Variants in OIP5 observed in about 807,000 individuals in gnomAD.
OIP5 encodes Opa interacting protein 5, also known as protein Mis18-beta.
A neutral mutation model predicts 20.3 loss-of-function variants in OIP5; 24 were observed. That is an observed-to-expected ratio of 1.18 (90% CI 0.86 to 1.66). OIP5 has a LOEUF of 1.66. Ranked by LOEUF, OIP5 falls within the 40% of genes most tolerant of loss-of-function variation. The pLI is 0.00. For synonymous variants in OIP5, 143 were observed against 121.3 expected, an observed-to-expected ratio of 1.18 and a Z score of -1.17; for missense variants, 339 against 289.5, an observed-to-expected ratio of 1.17 and a Z score of -1.24.
chr15:41,320,746 C>T (rs945403793), intron 2 of OIP5, among the ~76,000 whole-genome samples: 24 of 151,578 alleles, frequency 1.6e-4, no homozygotes, highest in African/African-American at 3.4e-4. Flanking sequence ...GGCCACCCAT[C>T]GTCTGGGATG....
chr15:41,327,434 C>T (rs895171616), intron 2 of OIP5, among the ~76,000 whole-genome samples: 1 of 151,934 alleles, frequency 6.6e-6, no homozygotes, highest in Non-Finnish European at 1.5e-5. Context: ...GCCTCGGCCT[C>T]CCAAAGTGCT....
rs1054689163 is a variant in OIP5 at position 41,320,415 on chromosome 15, T to C, written c.390-635A>G. 1.4e-3 allele frequency among the ~76,000 whole-genome samples: 206 copies of C among 150,900 alleles called. 2 individuals are homozygous for C. Among genetic ancestry groups the C allele is most frequent in the African/African-American group, 4.6e-3 (190 of 41,372 alleles). ...GCCTCAGCCTGCCGAGTGCCTGCGA[T>C]TGCAGGCACGCGCCGCCACACTTGA... On this transcript the variant is annotated intron_variant, in intron 2 of 4. Coordinates refer to ENST00000220514, the MANE Select transcript of OIP5 (RefSeq NM_007280.2).
intron 3 of OIP5, among the ~76,000 whole-genome samples, chr15:41,319,239 C>CT (rs567039095): frequency 0.013 from 1,882 of 141,912 alleles, 41 homozygotes; most frequent in African/African-American, 0.041. Flanking sequence ...TGCCCAGCTA[C>CT]TTTTTTTTTT....
At chr15:41,309,973 C>G in intron 4 of OIP5, 124 bp from the exon 5 acceptor site, 1 of 591,266 alleles carries the variant, frequency 1.7e-6, no homozygotes, top group South Asian at 2.1e-5. Context: ...ACTGCAGCCT[C>G]AAGCTCCTGC....
intron 2 of OIP5, among the ~76,000 whole-genome samples, chr15:41,322,407 G>T (rs991459856): frequency 6.6e-5 from 10 of 151,152 alleles, no homozygotes; most frequent in Non-Finnish European, 1.3e-4. Context: ...GTTTTTTTTG[G>T]TTTTTTTTTG....
At chr15:41,325,600 C>T (rs1462627404) in intron 2 of OIP5, among the ~76,000 whole-genome samples, 1 of 151,584 alleles carries the variant, frequency 6.6e-6, no homozygotes, top group Non-Finnish European at 1.5e-5. Context: ...CCCGTAATCC[C>T]AGCACTATGG....
In OIP5 at chr15:41,331,929, A is replaced by C. The variant is rs2047922681; in HGVS notation, c.375T>G (p.Gly125=). 1.2e-6 allele frequency: 2 copies of C among 1,613,828 alleles called. No homozygotes were observed. The highest frequency in any genetic ancestry group is 2.7e-5 in the African/African-American group (2 of 74,908). ...TCAATACGTACCTGCCTTTGAGTGA[A>C]CCTTCAATGCCAACTAGGAAGGGCG... The part of the protein sequence containing the change: ...LEAPFLVGIE[G]SLKGSTYNLL... Residue 125 remains glycine (G), a synonymous_variant, in exon 2 of 5, where the codon GGT becomes GGG. Coordinates refer to ENST00000220514, the MANE Select transcript of OIP5 (RefSeq NM_007280.2).
chr15:41,324,530 C>T (rs953015990), intron 2 of OIP5, among the ~76,000 whole-genome samples: 8 of 152,092 alleles, frequency 5.3e-5, no homozygotes, highest in African/African-American at 1.9e-4. Context: ...GCTCTTGTTG[C>T]CCAAGGTGGA....
rs771728947 is a variant in OIP5 at position 41,332,536 on chromosome 15, C to G, written c.26G>C (p.Arg9Pro). The G allele has an allele frequency of 1.2e-6, 2 of 1,610,278 alleles. No homozygotes were observed. The highest frequency in any genetic ancestry group is 1.7e-6 in the Non-Finnish European group (2 of 1,178,298). ...CCGGGGCGGCGTTGCACAACGTGAG[C>G]GATGCCGCAGCGGCTGAGCCGCCAT... The part of the protein sequence containing the change: MAAQPLRH[R>P]SRCATPPRGD... The change falls in exon 1 of 5, where the codon CGC (arginine) becomes CCC (proline). Residue 9 changes from arginine to proline, a missense_variant. By Grantham distance (103) the Arg-to-Pro change is moderately radical. Transcript: ENST00000220514.
intron 2 of OIP5, among the ~76,000 whole-genome samples, chr15:41,320,412 C>T (rs1401662706): frequency 2.7e-5 from 4 of 150,066 alleles, no homozygotes; most frequent in South Asian, 2.2e-4. Context: ...CGAGTGCCTG[C>T]GATTGCAGGC....
rs1454299981 is a variant in OIP5 at position 41,321,152 on chromosome 15, T to TG, written c.390-1373dup. On this transcript the variant is annotated intron_variant, in intron 2 of 4. Transcript: ENST00000220514. ...GCAGCCACCCTGTCGGGGAGGGAGG[T>TG]GGGGGGTCAGCCCCCCGCCCAGCCA... is the stretch of plus-strand genomic sequence containing the variant. 6.0e-3 allele frequency among the ~76,000 whole-genome samples: 846 copies of TG among 141,454 alleles called. 14 individuals carry two copies. Among genetic ancestry groups the TG allele is most frequent in the African/African-American group, 0.021 (791 of 36,868 alleles). The allele number at this position is 141,454 out of a possible 152,430, so 92.8% of individuals were successfully genotyped here. A position where few individuals can be genotyped will look rare whatever the true frequency, so the allele number is the denominator to read the frequency against.
At chr15:41,319,806 G>C in intron 2 of OIP5, 26 bp from the exon 3 acceptor site, 2 of 1,568,854 alleles carry the variant, frequency 1.3e-6, no homozygotes, top group Non-Finnish European at 1.7e-6. Flanking sequence ...AACACAATAT[G>C]GGTAAGAATA....
At chr15:41,315,201 G>A (rs1481414013) in intron 3 of OIP5, among the ~76,000 whole-genome samples, 5 of 151,590 alleles carry the variant, frequency 3.3e-5, no homozygotes, top group African/African-American at 1.2e-4. Flanking sequence ...AGGCCGAGGC[G>A]GGGGGATCAC....
intron 4 of OIP5, among the ~76,000 whole-genome samples, chr15:41,311,578 T>G (rs998774119): frequency 6.6e-6 from 1 of 152,124 alleles, no homozygotes; most frequent in Non-Finnish European, 1.5e-5. Context: ...TTATTATTAT[T>G]ATTATTTTTG....
At chr15:41,311,059 C>T (rs994590651) in intron 4 of OIP5, among the ~76,000 whole-genome samples, 14 of 152,156 alleles carry the variant, frequency 9.2e-5, no homozygotes, top group African/African-American at 3.4e-4. Context: ...ACTGGGTTCC[C>T]AGCTACTGGG....
In OIP5 at chr15:41,309,644, C is replaced by A; in HGVS notation, c.*110G>T. 1 of 675,530 alleles carries A rather than the reference C, an allele frequency of 1.5e-6. No homozygotes were observed. Among genetic ancestry groups the A allele is most frequent in the Non-Finnish European group, 2.5e-6 (1 of 394,276 alleles). 41.8% of individuals were successfully genotyped at this position (675,530 alleles called of 1,614,324 possible). ...TCAGCCTAAAGGTAAATAGAAACTG[C>A]ATTTCCCCTCCATTCTTGAAGCCAA... On this transcript the variant is annotated 3_prime_UTR_variant, in exon 5 of 5. Coordinates refer to ENST00000220514, the MANE Select transcript of OIP5 (RefSeq NM_007280.2).
At chr15:41,332,056 C>T (rs1354440144) in intron 1 of OIP5, 75 bp from the exon 2 acceptor site, 1 of 1,462,142 alleles carries the variant, frequency 6.8e-7, no homozygotes, top group Non-Finnish European at 9.6e-7. Context: ...TAGACAGACT[C>T]ATCCTGGCCG....
rs762886959 is a variant in OIP5, at chr15:41,332,225, C to G, written c.322+15G>C. The G allele has an allele frequency of 3.3e-6, 5 of 1,530,106 alleles. No homozygotes were observed. In the Admixed American group the frequency reaches 8.5e-5, roughly 26 times the overall value. 94.8% of individuals were successfully genotyped at this position (1,530,106 alleles called of 1,614,324 possible). On this transcript the variant is annotated intron_variant, in intron 1 of 4. Transcript: ENST00000220514. ...GGCTAGCCTCTGCCTTTCCCGAACG[C>G]TTCACTGCACTCACTGGAGAAGACC...
intron 2 of OIP5, among the ~76,000 whole-genome samples, chr15:41,329,633 A>G (rs2047884730): frequency 6.6e-6 from 1 of 151,548 alleles, no homozygotes; most frequent in Non-Finnish European, 1.5e-5. Context: ...TTTTTTACAA[A>G]GCATCTAAAC....
Sources: allele counts gnomAD v4.1 joint callset (sites outside exome capture counted in the v4.1 genomes callset), GRCh38; gene constraint gnomAD v4.1.1; transcripts MANE v1.5; gene names NCBI Gene and HGNC (gene_info 2026-07-23, HGNC 2026-07-21).